Variants in EDA observed in about 807,000 individuals in gnomAD.
The protein encoded by EDA is ectodysplasin-A.
A neutral mutation model predicts 23.6 loss-of-function variants in EDA; 2 were observed. The observed-to-expected ratio is 0.08, with a 90% CI of 0.03 to 0.27. The LOEUF is 0.27. Among genes scored for constraint, EDA ranks in the 10% least tolerant of loss-of-function variants. The pLI, the probability that EDA is intolerant of heterozygous loss-of-function variation, is 1.00. For synonymous variants in EDA, 131 were observed against 132.0 expected (o/e 0.99, Z 0.05); for missense variants, 229 against 324.2 (o/e 0.71, Z 2.26).
chrX:69,972,000 A>G (rs991782196), intron 2 of EDA, among the ~76,000 whole-genome samples: 10 of 111,360 alleles, frequency 9.0e-5, no homozygotes, highest in African/African-American at 2.3e-4. Context: ...TTGGTAACTT[A>G]TTGGGAGATC....
rs1190240799 is a variant in EDA at position 70,036,635 on chromosome X, T to A, written c.*1026T>A. ...GGTTGGACGGGATGACCTCCAGAAG[T>A]CCCTTCAATTTCTAGTACCTGTGAC... is the stretch of plus-strand genomic sequence containing the variant. On this transcript the variant is annotated 3_prime_UTR_variant, in exon 8 of 8. Transcript: ENST00000374552. 2 of 112,895 alleles carry A rather than the reference T, an allele frequency of 1.8e-5. No individual in the cohort carries two copies. The highest frequency in any genetic ancestry group is 1.9e-5 in the Non-Finnish European group (1 of 53,353). The allele number at this position is 112,895 out of a possible 1,213,427, so 9.3% of individuals were successfully genotyped here.
chrX:69,618,193 ACTT>A (rs1932050100), intron 1 of EDA, among the ~76,000 whole-genome samples: 2 of 112,030 alleles, frequency 1.8e-5, no homozygotes, highest in African/African-American at 3.2e-5. Flanking sequence ...AAAGAATTAA[ACTT>A]CTTTAATCAA....
chrX:69,788,900 G>A (rs185983363), intron 1 of EDA, among the ~76,000 whole-genome samples: 1,502 of 112,359 alleles, frequency 0.013, 20 homozygotes, highest in African/African-American at 0.043. Context: ...CCTCGCTGCC[G>A]CCTTGCAGTT....
At chrX:69,636,717 G>A (rs1464736623) in intron 1 of EDA, among the ~76,000 whole-genome samples, 5 of 108,133 alleles carry the variant, frequency 4.6e-5, no homozygotes, top group South Asian at 8.1e-4. Context: ...GGCAGAATAC[G>A]TTCAAGGAAA....
At chrX:69,760,569 A>G (rs1469884805) in intron 1 of EDA, among the ~76,000 whole-genome samples, 2 of 112,292 alleles carry the variant, frequency 1.8e-5, no homozygotes, top group African/African-American at 6.5e-5. Context: ...GGTCTCACAA[A>G]ACTAATTTTA....
intron 6 of EDA, among the ~76,000 whole-genome samples, chrX:70,032,092 C>A (rs2147514719): frequency 9.0e-6 from 1 of 110,696 alleles, no homozygotes; most frequent in South Asian, 3.9e-4. Context: ...AACCCCGTCT[C>A]CACAAAAAAT....
chrX:69,895,395 TACAC>T (rs200298403), intron 1 of EDA, among the ~76,000 whole-genome samples: 12,905 of 85,977 alleles, frequency 0.15, 966 homozygotes, highest in Non-Finnish European at 0.21. Context: ...TTTCTCAACC[TACAC>T]ACACACACAC....
intron 1 of EDA, among the ~76,000 whole-genome samples, chrX:69,693,607 C>T (rs762717347): frequency 4.5e-5 from 5 of 111,275 alleles, no homozygotes; most frequent in South Asian, 3.8e-4. Flanking sequence ...CCAATTGATT[C>T]GGTTAATTTT....
chrX:69,979,852 G>A (rs1270396929), intron 2 of EDA, among the ~76,000 whole-genome samples: 7 of 111,151 alleles, frequency 6.3e-5, no homozygotes, highest in Admixed American at 4.8e-4. Flanking sequence ...TTTATTGTTG[G>A]TTTCATTTGC....
chrX:69,790,104 C>G (rs1461358787), intron 1 of EDA, among the ~76,000 whole-genome samples: 1 of 111,575 alleles, frequency 9.0e-6, no homozygotes, highest in Non-Finnish European at 1.9e-5. Context: ...ATCCTAATAG[C>G]TCAGAATATC....
At chrX:69,961,326 T>G (rs1406128376) in intron 2 of EDA, among the ~76,000 whole-genome samples, 1 of 110,920 alleles carries the variant, frequency 9.0e-6, no homozygotes, top group African/African-American at 3.3e-5. Context: ...TCTCCACAAA[T>G]CCCTGTGAGA....
intron 1 of EDA, among the ~76,000 whole-genome samples, chrX:69,760,463 A>G (rs901057276): frequency 2.7e-5 from 3 of 111,805 alleles, no homozygotes; most frequent in Admixed American, 9.5e-5. Flanking sequence ...AATACTTCAC[A>G]TAAGTGAAGA....
rs1366895545 is a variant in EDA, at chrX:69,898,531, C to T, written c.397-58496C>T. On this transcript the variant is annotated intron_variant, in intron 1 of 7. Coordinates refer to ENST00000374552, the MANE Select transcript of EDA (RefSeq NM_001399.5). ...CCGGGAGGCGGAGGTTGCAGTGAGC[C>T]GAGATCACACCACTGCACTCCAGCC... 4.5e-5 allele frequency among the ~76,000 whole-genome samples: 5 copies of T among 110,405 alleles called. No individual in the cohort carries two copies. In the East Asian group the frequency reaches 8.5e-4, roughly 19 times the overall value.
chrX:69,845,681 T>A (rs769886574), intron 1 of EDA, among the ~76,000 whole-genome samples: 1 of 112,039 alleles, frequency 8.9e-6, no homozygotes, highest in South Asian at 3.7e-4. Context: ...TAGGGCATTG[T>A]GGACATGATG....
chrX:69,748,238 C>G (rs1188078786), intron 1 of EDA, among the ~76,000 whole-genome samples: 1 of 110,959 alleles, frequency 9.0e-6, no homozygotes. Flanking sequence ...TCAGGTACCT[C>G]AATTTTAATC....
intron 1 of EDA, among the ~76,000 whole-genome samples, chrX:69,709,815 T>A (rs769742984): frequency 2.7e-5 from 3 of 111,804 alleles, no homozygotes; most frequent in African/African-American, 3.3e-5. Flanking sequence ...CATTTTAAAC[T>A]GATGTTGTTA....
chrX:69,992,315 G>C (rs992821188), intron 2 of EDA, among the ~76,000 whole-genome samples: 1 of 111,825 alleles, frequency 8.9e-6, no homozygotes, highest in African/African-American at 3.3e-5. Flanking sequence ...TTTAGTTGTA[G>C]TTAAAAGGAA....
chrX:69,773,324 TG>T (rs1347775313), intron 1 of EDA, among the ~76,000 whole-genome samples: 1 of 112,453 alleles, frequency 8.9e-6, no homozygotes, highest in Non-Finnish European at 1.9e-5. Flanking sequence ...GATAGACAGT[TG>T]GGTTGTTTCC....
intron 1 of EDA, among the ~76,000 whole-genome samples, chrX:69,674,211 T>C (rs774163585): frequency 9.0e-6 from 1 of 110,952 alleles, no homozygotes; most frequent in Admixed American, 9.7e-5. Flanking sequence ...TACCTTTTTT[T>C]CCCCATAGTT....
Sources: allele counts gnomAD v4.1 joint callset (sites outside exome capture counted in the v4.1 genomes callset), GRCh38; gene constraint gnomAD v4.1.1; transcripts MANE v1.5; gene names NCBI Gene and HGNC (gene_info 2026-07-23, HGNC 2026-07-21).